Variants in WWP2 observed in about 807,000 individuals in gnomAD.
The protein encoded by WWP2 is WW domain containing E3 ubiquitin protein ligase 2, also known as NEDD4-like E3 ubiquitin-protein ligase WWP2.
WWP2 carries 57 observed loss-of-function variants against 121.0 expected under a neutral mutation model. The observed-to-expected ratio is 0.47, with a 90% CI of 0.38 to 0.59. The LOEUF is 0.59. Ranked by LOEUF, WWP2 falls within the 20% of genes least tolerant of loss-of-function variation. WWP2 has a pLI of 0.00. For synonymous variants in WWP2, 449 were observed against 441.3 expected (o/e 1.02, Z -0.22); for missense variants, 962 against 1,158.9 (o/e 0.83, Z 2.47).
chr16:69,861,622 C>T (rs991367313), intron 6 of WWP2, among the ~76,000 whole-genome samples: 1 of 148,744 alleles, frequency 6.7e-6, no homozygotes. Context: ...TCCCGGTTCA[C>T]TTCTCCTTTT....
intron 8 of WWP2, among the ~76,000 whole-genome samples, chr16:69,905,822 A>G (rs1204052878): frequency 6.6e-6 from 1 of 152,194 alleles, no homozygotes; most frequent in East Asian, 1.9e-4. Context: ...CCTTTCAGCA[A>G]AGCATGGTGA....
chr16:69,930,136 C>T lies in WWP2; in HGVS notation c.1323C>T (p.Ile441=), dbSNP rs2058691828. ...QWEDPRTQGM[I]QEPALPPGWE... ...TTTCTTCCCGTGTTTCCAGGATGAT[C>T]CAGGAACCAGCTCTGCCCCCAGGAT... The change falls in exon 13 of 24, where the codon ATC becomes ATT. Residue 441 remains isoleucine (I), a synonymous_variant. Coordinates refer to ENST00000359154, the MANE Select transcript of WWP2 (RefSeq NM_001270454.2). The T allele has an allele frequency of 6.2e-7, 1 of 1,614,064 alleles. No individual in the cohort carries two copies. The highest frequency in any genetic ancestry group is 8.5e-7 in the Non-Finnish European group (1 of 1,179,960).
chr16:69,777,706 A>G (rs1262549300), intron 1 of WWP2, among the ~76,000 whole-genome samples: 2 of 151,760 alleles, frequency 1.3e-5, no homozygotes, highest in African/African-American at 2.4e-5. Flanking sequence ...GCTTGTCAAG[A>G]TTTATGTAGA....
intron 6 of WWP2, among the ~76,000 whole-genome samples, chr16:69,861,490 A>G (rs548631016): frequency 6.6e-6 from 1 of 152,096 alleles, no homozygotes; most frequent in South Asian, 2.1e-4. Context: ...CTTGGCAGCG[A>G]TTTTATTTTT....
chr16:69,872,286 G>A lies in WWP2; in HGVS notation c.703+355G>A, dbSNP rs28626641. ...GGCTGGAGTGCAGTGGCGTGATCTC[G>A]GCTCACTGCAAGCTCCGCCTCCCGG... On this transcript the variant is annotated intron_variant, in intron 7 of 23. Transcript: ENST00000359154. Among the ~76,000 whole-genome samples, 348 of 151,452 alleles carry A rather than the reference G, an allele frequency of 2.3e-3. 4 individuals are homozygous for A. The highest frequency in any genetic ancestry group is 7.7e-3 in the African/African-American group (317 of 41,232).
chr16:69,927,588 C>G (rs1355521134), intron 11 of WWP2, among the ~76,000 whole-genome samples: 1 of 152,228 alleles, frequency 6.6e-6, no homozygotes, highest in Non-Finnish European at 1.5e-5. Flanking sequence ...CCAGAAATGA[C>G]GACACAGGCC....
intron 7 of WWP2, among the ~76,000 whole-genome samples, chr16:69,887,649 G>T (rs894750236): frequency 1.3e-5 from 2 of 151,906 alleles, no homozygotes; most frequent in Non-Finnish European, 2.9e-5. Flanking sequence ...CAAGTGATCC[G>T]CCTGCCTCAG....
chr16:69,818,867 C>A (rs1455522680), intron 4 of WWP2, among the ~76,000 whole-genome samples: 1 of 152,128 alleles, frequency 6.6e-6, no homozygotes, highest in Non-Finnish European at 1.5e-5. Context: ...ATCCAGCCTC[C>A]TTGCTTTAAA....
intron 1 of WWP2, among the ~76,000 whole-genome samples, chr16:69,776,948 C>G (rs564042642): frequency 1.3e-5 from 2 of 151,898 alleles, no homozygotes; most frequent in Non-Finnish European, 2.9e-5. Flanking sequence ...AAAACCCTAC[C>G]TTAGATGGGA....
At chr16:69,810,009 G>C (rs2056357080) in intron 4 of WWP2, among the ~76,000 whole-genome samples, 1 of 152,206 alleles carries the variant, frequency 6.6e-6, no homozygotes, top group African/African-American at 2.4e-5. Flanking sequence ...GGGTAAGTGG[G>C]TCACAGTGCG....
At chr16:69,808,068 C>T (rs951714793) in intron 4 of WWP2, among the ~76,000 whole-genome samples, 3 of 152,168 alleles carry the variant, frequency 2.0e-5, no homozygotes, top group African/African-American at 7.2e-5. Context: ...TCTAGCATCC[C>T]CAGAAGTTTC....
chr16:69,795,594 A>C, intron 2 of WWP2, among the ~76,000 whole-genome samples: 1 of 147,630 alleles, frequency 6.8e-6, no homozygotes, highest in Non-Finnish European at 1.5e-5. Context: ...AAGAGTATAC[A>C]GTATTTATTG....
At chr16:69,841,850 T>C (rs1362323897) in intron 5 of WWP2, among the ~76,000 whole-genome samples, 174 bp from the exon 6 acceptor site, 1 of 152,180 alleles carries the variant, frequency 6.6e-6, no homozygotes, top group Admixed American at 6.5e-5. Context: ...ATCGGATCCA[T>C]ATGATCGTCC....
Position 69,941,021 on chromosome 16 carries a change from G to T in WWP2, c.*1081G>T, listed in dbSNP as rs1377301944. The T allele has an allele frequency of 6.5e-6, 1 of 153,052 alleles. No individual in the cohort carries two copies. The highest frequency in any genetic ancestry group is 1.5e-5 in the Non-Finnish European group (1 of 68,078). The allele number at this position is 153,052 out of a possible 1,614,324, so 9.5% of individuals were successfully genotyped here. A position where few individuals can be genotyped will look rare whatever the true frequency, so the allele number is the denominator to read the frequency against. On this transcript the variant is annotated 3_prime_UTR_variant, in exon 24 of 24. Transcript: ENST00000359154. ...CCTGGAGCTCCAGGAGGGCCTGTTG[G>T]TCCCCTGTTCAGAATGGAGTGCAGC...
intron 7 of WWP2, among the ~76,000 whole-genome samples, chr16:69,881,758 C>G (rs943231300): frequency 6.6e-6 from 1 of 152,236 alleles, no homozygotes; most frequent in African/African-American, 2.4e-5. Flanking sequence ...ATGGCATGCT[C>G]TCAGCTCACT....
At chr16:69,809,718 A>G (rs1489853219) in intron 4 of WWP2, among the ~76,000 whole-genome samples, 1 of 152,084 alleles carries the variant, frequency 6.6e-6, no homozygotes, top group Non-Finnish European at 1.5e-5. Flanking sequence ...CAGTGAGCCG[A>G]GATTGCGCCA....
intron 1 of WWP2, among the ~76,000 whole-genome samples, chr16:69,767,107 T>C (rs1363301387): frequency 6.6e-6 from 1 of 152,096 alleles, no homozygotes; most frequent in East Asian, 1.9e-4. Context: ...AGGCTACTCT[T>C]CCAACTGTGC....
At chr16:69,869,403 G>A (rs7203612) in intron 6 of WWP2, among the ~76,000 whole-genome samples, 24 of 133,800 alleles carry the variant, frequency 1.8e-4, no homozygotes, top group Admixed American at 1.3e-3. Context: ...TTTTTTTTTT[G>A]TTAAACAAGG....
rs1456009819 is a variant in WWP2 at position 69,912,918 on chromosome 16, CAAAACAAAAA to C, written c.1004+4073_1004+4082del. Reference sequence around the variant, plus strand: ...GCAACATATGGAGAACCAGTCTCTACAAAACAAAAAAAAAAAAAAAAAAAAAAAAAAAAAA... The same window carrying C: ...GCAACATATGGAGAACCAGTCTCTACAAAAAAAAAAAAAAAAAAAAAAAAA... On this transcript the variant is annotated intron_variant, in intron 9 of 23. Transcript: ENST00000359154. 9.4e-5 allele frequency among the ~76,000 whole-genome samples: 3 copies of C among 31,790 alleles called. 1 individual carries two copies. Among genetic ancestry groups the C allele is most frequent in the African/African-American group, 1.2e-4 (1 of 8,142 alleles). 20.9% of individuals were successfully genotyped at this position (31,790 alleles called of 152,430 possible). A position where few individuals can be genotyped will look rare whatever the true frequency, so the allele number is the denominator to read the frequency against.
Sources: allele counts gnomAD v4.1 joint callset (sites outside exome capture counted in the v4.1 genomes callset), GRCh38; gene constraint gnomAD v4.1.1; transcripts MANE v1.5; gene names NCBI Gene and HGNC (gene_info 2026-07-23, HGNC 2026-07-21).